GPR158: variants seen among roughly 807,000 people sequenced by gnomAD.
GPR158 encodes G protein-coupled receptor 158, also known as metabotropic glycine receptor.
Under a neutral mutation model 78.2 loss-of-function variants are expected in GPR158, and 30 were observed. The ratio of observed to expected loss-of-function variants is 0.38; its 90% CI spans 0.29 to 0.52. The LOEUF is 0.52. Ranked by LOEUF, GPR158 falls within the 20% of genes least tolerant of loss-of-function variation. The pLI, the probability that GPR158 is intolerant of heterozygous loss-of-function variation, is 0.83. For synonymous variants in GPR158, 581 were observed against 591.1 expected (o/e 0.98, Z 0.25); for missense variants, 1,463 against 1,523.5 (o/e 0.96, Z 0.66).
rs1453069358 is a variant in GPR158, at chr10:25,264,372, G to A, written c.1008+43215G>A. Among the ~76,000 whole-genome samples the A allele has an allele frequency of 4.6e-5, 7 of 152,284 alleles. No individual in the cohort carries two copies. The East Asian group carries it at 1.2e-3, about 25-fold the overall frequency. On this transcript the variant is annotated intron_variant, in intron 2 of 10. Coordinates refer to ENST00000376351, the MANE Select transcript of GPR158 (RefSeq NM_020752.3). ...ATTTCCAAGCTGCAGGGATGCTCAA[G>A]GCATTTGGAGAAGTCAGGTGGAGAG...
At chr10:25,596,485 C>G (rs111357288) in intron 9 of GPR158, among the ~76,000 whole-genome samples, 158 bp from the exon 10 acceptor site, 25 of 151,720 alleles carry the variant, frequency 1.6e-4, no homozygotes, top group South Asian at 8.4e-4. Context: ...CTGTCTGTGT[C>G]TCTCTCTCTC....
In GPR158 at chr10:25,341,917, C is replaced by T. The variant is rs113248587; in HGVS notation, c.1009-53994C>T. Reference sequence around the variant, plus strand: ...GGACTCACTTTCTGGTCCCACCTCACCACCTTGCCACTTCCCCAGCAAATC... The same window carrying T: ...GGACTCACTTTCTGGTCCCACCTCATCACCTTGCCACTTCCCCAGCAAATC... On this transcript the variant is annotated intron_variant, in intron 2 of 10. Coordinates refer to ENST00000376351, the MANE Select transcript of GPR158 (RefSeq NM_020752.3). Among the ~76,000 whole-genome samples, 1,389 of 152,038 alleles carry T rather than the reference C, an allele frequency of 9.1e-3. 6 individuals carry two copies. The highest frequency in any genetic ancestry group is 0.015 in the Non-Finnish European group (992 of 67,924).
In GPR158 at chr10:25,340,153, T is replaced by C. The variant is rs79616048; in HGVS notation, c.1009-55758T>C. Among the ~76,000 whole-genome samples the C allele has an allele frequency of 7.0e-3, 1,071 of 152,192 alleles. 5 individuals are homozygous for C. The highest frequency in any genetic ancestry group is 0.01 in the Middle Eastern group (3 of 294). On this transcript the variant is annotated intron_variant, in intron 2 of 10. Transcript: ENST00000376351. ...GAGTGCTCACCTCAGTGAGGTATTC[T>C]TCCCTCAGGATCTTGGATCCTCAAG...
chr10:25,193,346 A>T (rs1037532413), intron 1 of GPR158, among the ~76,000 whole-genome samples: 1 of 152,212 alleles, frequency 6.6e-6, no homozygotes, highest in African/African-American at 2.4e-5. Flanking sequence ...ACCTATTTGA[A>T]GAGGTGACTC....
intron 2 of GPR158, among the ~76,000 whole-genome samples, chr10:25,246,156 G>T (rs1397704293): frequency 6.6e-6 from 1 of 152,144 alleles, no homozygotes; most frequent in African/African-American, 2.4e-5. Context: ...CTGTCCTTGG[G>T]AAAAGCTCAT....
At chr10:25,592,748 T>A (rs796764051) in intron 8 of GPR158, among the ~76,000 whole-genome samples, 3 of 152,112 alleles carry the variant, frequency 2.0e-5, no homozygotes, top group African/African-American at 7.2e-5. Flanking sequence ...TACATGAGGA[T>A]CCTTTTATGA....
intron 2 of GPR158, among the ~76,000 whole-genome samples, chr10:25,301,935 T>G (rs1854601414): frequency 6.6e-6 from 1 of 152,228 alleles, no homozygotes; most frequent in Admixed American, 6.5e-5. Flanking sequence ...TTTCTATCAC[T>G]ATGGATTTGG....
At chr10:25,217,164 A>G (rs1055635811) in intron 1 of GPR158, among the ~76,000 whole-genome samples, 1 of 152,218 alleles carries the variant, frequency 6.6e-6, no homozygotes, top group African/African-American at 2.4e-5. Flanking sequence ...TTGCAAAAAT[A>G]AGATATTTTG....
chr10:25,175,608 G>A lies in GPR158; in HGVS notation c.188G>A (p.Arg63His), dbSNP rs769112602. 1.2e-6 allele frequency: 2 copies of A among 1,610,700 alleles called. No homozygotes were observed. The highest frequency in any genetic ancestry group is 2.2e-5 in the East Asian group (1 of 44,834). ...TCGGACTCCTCGGCTCCCTGGAGCCGCTCCACCGATGGCACCATCTTGGCG... is the reference window on the plus strand; with the variant it reads ...TCGGACTCCTCGGCTCCCTGGAGCCACTCCACCGATGGCACCATCTTGGCG... Reference protein sequence around the residue: ...SASDSSAPWSRSTDGTILAQK... With the variant: ...SASDSSAPWSHSTDGTILAQK... The change falls in exon 1 of 11, where the codon CGC becomes CAC. Residue 63 changes from arginine to histidine, a missense_variant. By Grantham distance (29) the Arg-to-His change is conservative. Coordinates refer to ENST00000376351, the MANE Select transcript of GPR158 (RefSeq NM_020752.3). The surrounding 1 kb of genome is among the most constrained non-coding windows in gnomAD (Gnocchi z 6.4).
chr10:25,220,358 A>G (rs570338837), intron 1 of GPR158, among the ~76,000 whole-genome samples: 8 of 152,294 alleles, frequency 5.3e-5, no homozygotes, highest in African/African-American at 1.9e-4. Context: ...TTTTAGCCCA[A>G]CTTGGAGCTT....
chr10:25,452,211 A>AATAT lies in GPR158; in HGVS notation c.1336-14429_1336-14426dup, dbSNP rs34673593. 6.7e-4 allele frequency among the ~76,000 whole-genome samples: 101 copies of AATAT among 149,912 alleles called. No homozygotes were observed. The South Asian group carries it at 0.011, about 17-fold the overall frequency. Reference sequence around the variant, plus strand: ...TGCCACCATGCCCAGAAACCTTTTAAATATATATATATATGGTAGCAATGA... The same window carrying AATAT: ...TGCCACCATGCCCAGAAACCTTTTAAATATATATATATATATATGGTAGCAATGA... On this transcript the variant is annotated intron_variant, in intron 4 of 10. Coordinates refer to ENST00000376351, the MANE Select transcript of GPR158 (RefSeq NM_020752.3).
intron 2 of GPR158, among the ~76,000 whole-genome samples, chr10:25,238,464 A>G (rs919606636): frequency 2.6e-5 from 4 of 152,240 alleles, no homozygotes; most frequent in Non-Finnish European, 5.9e-5. Flanking sequence ...AACATCTTTT[A>G]TATACATTTG....
chr10:25,354,199 C>CA (rs1855515329), intron 2 of GPR158, among the ~76,000 whole-genome samples: 1 of 151,560 alleles, frequency 6.6e-6, no homozygotes, highest in South Asian at 2.1e-4. Context: ...ACTAAAAATA[C>CA]AAAAAATTAG....
At chr10:25,356,675 T>G (rs1382891475) in intron 2 of GPR158, among the ~76,000 whole-genome samples, 1 of 152,126 alleles carries the variant, frequency 6.6e-6, no homozygotes, top group African/African-American at 2.4e-5. Context: ...ATCCTTGCCT[T>G]CTGCCATGAT....
At chr10:25,358,662 TA>T (rs1376784927) in intron 2 of GPR158, among the ~76,000 whole-genome samples, 6 of 152,100 alleles carry the variant, frequency 3.9e-5, no homozygotes, top group African/African-American at 1.4e-4. Context: ...GTAAGTCCAG[TA>T]AACATCTTTC....
rs1243673118 is a variant in GPR158, at chr10:25,599,056, ACAT to A, written c.3432_3434del (p.Ser1147del). 2 of 1,613,982 alleles carry A rather than the reference ACAT, an allele frequency of 1.2e-6. No homozygotes were observed. The highest frequency in any genetic ancestry group is 1.7e-5 in the Admixed American group (1 of 60,016). On this transcript the variant is annotated inframe_deletion, in exon 11 of 11. Transcript: ENST00000376351. The stretch of plus-strand genomic sequence containing the variant: ...CCAAATAGGACACCAGGAAAAAAAG[ACAT>A]CTTCTTCTGAGGAGAATGTGCGTGG...
At position 25,430,869 on chromosome 10, in the gene GPR158, G is replaced by C. The variant is rs182908958; in HGVS notation, c.1335+18396G>C. 3.4e-4 allele frequency among the ~76,000 whole-genome samples: 52 copies of C among 151,876 alleles called. 1 individual carries two copies. The East Asian group carries it at 9.1e-3, about 27-fold the overall frequency. On this transcript the variant is annotated intron_variant, in intron 4 of 10. Transcript: ENST00000376351. ...CTTATACAAAAATTAATTCAACATC[G>C]ATTAAAGACTTAACCGTTAGACCTA...
In GPR158 at chr10:25,202,271, C is replaced by A. The variant is rs191006512; in HGVS notation, c.903-18781C>A. ...AGGAATTTATCCATTTTTTTTTATA[C>A]TTTAAGTTCTAGGGTACATGTGCAC... On this transcript the variant is annotated intron_variant, in intron 1 of 10. Transcript: ENST00000376351. Among the ~76,000 whole-genome samples the A allele has an allele frequency of 1.6e-4, 25 of 151,766 alleles. No individual in the cohort carries two copies. In the East Asian group the frequency reaches 4.3e-3, roughly 26 times the overall value.
intron 5 of GPR158, among the ~76,000 whole-genome samples, chr10:25,529,112 G>C (rs1211243686): frequency 6.6e-6 from 1 of 152,204 alleles, no homozygotes; most frequent in African/African-American, 2.4e-5. Context: ...CATACGGCCA[G>C]GCATGGTGGC....
Sources: gnomAD v4.1 joint callset for allele counts (sites outside exome capture counted in the v4.1 genomes callset) on GRCh38, gnomAD v4.1.1 for gene constraint, Gnocchi (gnomAD v3.1) non-coding constraint, MANE v1.5 for transcripts, NCBI Gene and HGNC (gene_info 2026-07-23, HGNC 2026-07-21) for gene names.